GRIP1: variants seen among roughly 807,000 people sequenced by gnomAD.
The protein encoded by GRIP1 is glutamate receptor interacting protein 1, also known as glutamate receptor-interacting protein 1.
GRIP1 carries 45 observed loss-of-function variants against 129.9 expected under a neutral mutation model. That is an observed-to-expected ratio of 0.35 (90% CI 0.27 to 0.44). The LOEUF (loss-of-function observed/expected upper bound fraction) is 0.44, where lower values mean the gene tolerates loss of function less well. Among genes scored for constraint, GRIP1 ranks in the 20% least tolerant of loss-of-function variants. GRIP1 has a pLI of 1.00. For missense variants in GRIP1, 1,196 were observed against 1,396.8 expected (o/e 0.86, Z 2.29); for synonymous variants, 530 against 520.8 (o/e 1.02, Z -0.24).
At chr12:66,548,844 A>G (rs2062031898) in intron 2 of GRIP1, among the ~76,000 whole-genome samples, 2 of 152,288 alleles carry the variant, frequency 1.3e-5, no homozygotes, top group Admixed American at 6.5e-5. Context: ...TAAATTTAAC[A>G]TTGAAATACC....
chr12:66,603,441 T>A (rs2064371126), intron 1 of GRIP1, among the ~76,000 whole-genome samples: 1 of 152,212 alleles, frequency 6.6e-6, no homozygotes, highest in Non-Finnish European at 1.5e-5. Flanking sequence ...AGCAGGAGCA[T>A]ACCTGGGAAC....
intron 1 of GRIP1, among the ~76,000 whole-genome samples, chr12:66,617,081 C>A (rs868498886): frequency 1.4e-5 from 1 of 72,548 alleles, no homozygotes; most frequent in Admixed American, 1.2e-4. Flanking sequence ...AAGCAACAGA[C>A]GTTTTGTGTG....
At chr12:66,957,703 C>T (rs866095114) in intron 1 of GRIP1, among the ~76,000 whole-genome samples, 7 of 152,168 alleles carry the variant, frequency 4.6e-5, no homozygotes, top group African/African-American at 1.7e-4. Flanking sequence ...TTCATCACTT[C>T]ACATTAAGAG....
chr12:66,759,768 TA>T (rs60714931), intron 1 of GRIP1, among the ~76,000 whole-genome samples: 97,803 of 151,642 alleles, frequency 0.64, 31,691 homozygotes, highest in Middle Eastern at 0.79. Context: ...AACATAACAA[TA>T]AATCACCTTT....
At chr12:66,403,095 G>T (rs563714338) in intron 16 of GRIP1, among the ~76,000 whole-genome samples, 1 of 152,106 alleles carries the variant, frequency 6.6e-6, no homozygotes, top group Non-Finnish European at 1.5e-5. Flanking sequence ...CAGCTCAAAT[G>T]TGGTAGAGCT....
intron 13 of GRIP1, among the ~76,000 whole-genome samples, chr12:66,433,212 T>C (rs2058202129): frequency 6.6e-6 from 1 of 152,134 alleles, no homozygotes; most frequent in Non-Finnish European, 1.5e-5. Context: ...TAATTTGTAA[T>C]GTGAAAAGTA....
chr12:66,714,533 T>C (rs1355814429), intron 1 of GRIP1, among the ~76,000 whole-genome samples: 1 of 152,088 alleles, frequency 6.6e-6, no homozygotes, highest in Admixed American at 6.6e-5. Flanking sequence ...TTTGTAATTA[T>C]ACTAAATAGC....
At chr12:66,995,371 T>G (rs554718022) in intron 1 of GRIP1, among the ~76,000 whole-genome samples, 2 of 152,128 alleles carry the variant, frequency 1.3e-5, no homozygotes, top group East Asian at 3.9e-4. Context: ...AATTTAAAAC[T>G]TATTCTTCAA....
intron 8 of GRIP1, 51 bp from the exon 9 acceptor site, chr12:66,463,144 T>G: frequency 7.0e-7 from 1 of 1,433,538 alleles, no homozygotes; most frequent in Non-Finnish European, 9.8e-7. Flanking sequence ...CTCTTTGGAA[T>G]CTGACTTTCA....
chr12:66,491,370 C>T (rs576744724), intron 7 of GRIP1, among the ~76,000 whole-genome samples: 1 of 152,114 alleles, frequency 6.6e-6, no homozygotes, highest in Non-Finnish European at 1.5e-5. Context: ...GAACAGAATA[C>T]CAAATACTGC....
chr12:67,060,215 T>C (rs568045925), intron 1 of GRIP1, among the ~76,000 whole-genome samples: 6 of 152,338 alleles, frequency 3.9e-5, no homozygotes, highest in African/African-American at 1.2e-4. Context: ...GATGTGTTCA[T>C]GCCTAGGAAA....
At chr12:66,556,317 G>A (rs1191102585) in intron 2 of GRIP1, among the ~76,000 whole-genome samples, 1 of 152,086 alleles carries the variant, frequency 6.6e-6, no homozygotes, top group Non-Finnish European at 1.5e-5. Flanking sequence ...TCCTCGAATA[G>A]TATATCTGGC....
chr12:66,419,574 ACCAACTATATAC>A (rs1223642427), intron 15 of GRIP1, among the ~76,000 whole-genome samples: 1 of 152,220 alleles, frequency 6.6e-6, no homozygotes, highest in African/African-American at 2.4e-5. Context: ...AAGTATATAT[ACCAACTATATAC>A]CCACAAAAAT....
At chr12:66,596,747 T>G (rs2064066582) in intron 2 of GRIP1, 100 bp downstream of exon 2, 2 of 716,352 alleles carry the variant, frequency 2.8e-6, no homozygotes, top group Non-Finnish European at 2.6e-6. Context: ...CATGATTTAT[T>G]ATTATTATTA....
intron 7 of GRIP1, among the ~76,000 whole-genome samples, chr12:66,501,557 C>T (rs2060393565): frequency 6.6e-6 from 1 of 152,094 alleles, no homozygotes; most frequent in African/African-American, 2.4e-5. Flanking sequence ...CTCAGACTGA[C>T]CTTGTGATCA....
chr12:66,862,586 GC>G (rs1337300685), intron 1 of GRIP1, among the ~76,000 whole-genome samples: 2 of 152,070 alleles, frequency 1.3e-5, no homozygotes, highest in Non-Finnish European at 2.9e-5. Context: ...ACAGCACAGT[GC>G]CCACAGGGTG....
chr12:66,955,759 G>A (rs1049231381), intron 1 of GRIP1, among the ~76,000 whole-genome samples: 9 of 151,800 alleles, frequency 5.9e-5, no homozygotes, highest in East Asian at 1.9e-4. Flanking sequence ...CACCCGCCTC[G>A]GCCTCCCAAA....
chr12:66,517,818 T>G (rs1592468164), intron 6 of GRIP1, 83 bp downstream of exon 6: 8 of 780,376 alleles, frequency 1.0e-5, no homozygotes, highest in Admixed American at 1.9e-5. Context: ...TACTGTAAAA[T>G]TTCTAATTTA....
chr12:67,042,751 G>A (rs909278748), intron 1 of GRIP1, among the ~76,000 whole-genome samples: 5 of 152,194 alleles, frequency 3.3e-5, no homozygotes. Context: ...AGCAGAGACT[G>A]AAGGGACAGC....
Sources: allele counts gnomAD v4.1 joint callset (sites outside exome capture counted in the v4.1 genomes callset), GRCh38; gene constraint gnomAD v4.1.1; transcripts MANE v1.5; gene names NCBI Gene and HGNC (gene_info 2026-07-23, HGNC 2026-07-21).